SETX: variants seen among roughly 807,000 people sequenced by gnomAD.
SETX encodes the protein senataxin.
SETX carries 90 observed loss-of-function variants against 227.2 expected under a neutral mutation model. The observed-to-expected ratio is 0.40, with a 90% CI of 0.33 to 0.47. SETX has a LOEUF of 0.47. Among genes scored for constraint, SETX ranks in the 20% least tolerant of loss-of-function variants. SETX has a pLI of 0.91. For synonymous variants in SETX, 1,210 were observed against 1,113.2 expected (o/e 1.09, Z -1.73); for missense variants, 3,052 against 3,181.5 (o/e 0.96, Z 0.98).
chr9:132,315,000 C>A (rs1258081729), intron 10 of SETX, among the ~76,000 whole-genome samples: 1 of 149,642 alleles, frequency 6.7e-6, no homozygotes, highest in East Asian at 2.0e-4. Flanking sequence ...GCAACCGCCA[C>A]CTCCCGGGTT....
rs267607044 is a variant in SETX at position 132,327,718 on chromosome 9, G to A, written c.3880C>T (p.Arg1294Cys). 39 of 1,614,026 alleles carry A rather than the reference G, an allele frequency of 2.4e-5. No individual in the cohort carries two copies. Among genetic ancestry groups the A allele is most frequent in the Non-Finnish European group, 2.9e-5 (34 of 1,180,026 alleles). Residue 1294 changes from arginine to cysteine, a missense_variant, in exon 10 of 26, where the codon CGT (arginine) becomes TGT (cysteine). Physicochemically the swap from Arg to Cys is radical, Grantham distance 180. Coordinates refer to ENST00000224140, the MANE Select transcript of SETX (RefSeq NM_015046.7). ...AEKLGLKKGPRKAYELSQRSL... is the reference protein window; with the variant it reads ...AEKLGLKKGPCKAYELSQRSL... ...CGCTGGGACAACTCATATGCCTTACGAGGACCCTTTTTCAGGCCAAGTTTC... is the reference window on the plus strand; with the variant it reads ...CGCTGGGACAACTCATATGCCTTACAAGGACCCTTTTTCAGGCCAAGTTTC...
chr9:132,326,716 A>T lies in SETX; in HGVS notation c.4882T>A (p.Ser1628Thr). Residue 1628 changes from serine (S) to threonine (T), a missense_variant, in exon 10 of 26, where the codon TCA becomes ACA. This residue lies in a region of SETX where 1,483 missense variants were observed against 1,312.0 expected (regional missense o/e 1.13). Transcript: ENST00000224140. ...SALSPSLKNK[S>T]KGIQSILKVP... ...TTCAAAATCGACTGTATCCCCTTTG[A>T]CTTATTTTTTAGAGACGGTGAAAGT... 6.2e-7 allele frequency: 1 copy of T among 1,614,174 alleles called. No homozygotes were observed. The highest frequency in any genetic ancestry group is 8.5e-7 in the Non-Finnish European group (1 of 1,180,010).
rs775255889 is a variant in SETX, at chr9:132,327,015, G to C, written c.4583C>G (p.Thr1528Arg). 2.2e-5 allele frequency: 35 copies of C among 1,613,994 alleles called. No individual in the cohort carries two copies. The South Asian group carries it at 2.6e-4, about 12-fold the overall frequency. ...TACAGAATCTTCTTCAACCTCAACT[G>C]TATCTTTTCCATGAATTAGTTCAAT... ...KLIELIHGKD[T>R]VEVEEDSVSR... The change falls in exon 10 of 26, where the codon ACA becomes AGA. Residue 1528 changes from threonine to arginine, a missense_variant. Around this residue, in one of 10 missense-constraint regions of SETX, gnomAD observed 1,483 missense variants for 1,312.0 expected, o/e 1.13. Transcript: ENST00000224140.
In SETX at chr9:132,340,499, C is replaced by T. The variant is rs367901250; in HGVS notation, c.498+2191G>A. On this transcript the variant is annotated intron_variant, in intron 5 of 25. Coordinates refer to ENST00000224140, the MANE Select transcript of SETX (RefSeq NM_015046.7). ...GCCAGACTCCAGACTGGCTTATGCCCAATCAATTCAGGGCTGAGTGATGGA... is the reference window on the plus strand; with the variant it reads ...GCCAGACTCCAGACTGGCTTATGCCTAATCAATTCAGGGCTGAGTGATGGA... 2.6e-5 allele frequency among the ~76,000 whole-genome samples: 4 copies of T among 152,154 alleles called. No individual in the cohort carries two copies. The East Asian group carries it at 7.7e-4, about 29-fold the overall frequency.
At chr9:132,337,524 T>C (rs771765743) in intron 5 of SETX, among the ~76,000 whole-genome samples, 10 of 151,738 alleles carry the variant, frequency 6.6e-5, no homozygotes, top group Non-Finnish European at 1.2e-4. Flanking sequence ...TATAGGCATA[T>C]GCATACACAA....
At chr9:132,287,493 AAAAC>A (rs1843978991) in intron 17 of SETX, among the ~76,000 whole-genome samples, 1 of 152,124 alleles carries the variant, frequency 6.6e-6, no homozygotes, top group African/African-American at 2.4e-5. Context: ...CCCTATCTCA[AAAAC>A]AAACAAAAAC....
intron 15 of SETX, among the ~76,000 whole-genome samples, 166 bp from the exon 16 acceptor site, chr9:132,288,817 T>C (rs1468182390): frequency 6.6e-6 from 1 of 152,214 alleles, no homozygotes; most frequent in Non-Finnish European, 1.5e-5. Flanking sequence ...AAACTTCTTA[T>C]ACATTATTTC....
chr9:132,283,521 CAG>C, intron 18 of SETX, 108 bp from the exon 19 acceptor site: 2 of 1,370,598 alleles, frequency 1.5e-6, no homozygotes, highest in Non-Finnish European at 1.0e-6. Context: ...AGATTTATGA[CAG>C]AAAAATATTT....
In SETX at chr9:132,349,381, G is replaced by T. The variant is rs1354676019; in HGVS notation, c.48C>A (p.Asp16Glu). ...TGTTGGAAGCATAGCGCTTTAGGAA[G>T]TCAATGGTGGAAGCACCACCTGGCG... ...WCTPGGASTI[D>E]FLKRYASNTP... Residue 16 changes from aspartate to glutamate, a missense_variant, in exon 3 of 26, where the codon GAC (aspartate) becomes GAA (glutamate). By Grantham distance (45) the Asp-to-Glu change is conservative (BLOSUM62 2). Coordinates refer to ENST00000224140, the MANE Select transcript of SETX (RefSeq NM_015046.7). 6.2e-7 allele frequency: 1 copy of T among 1,614,166 alleles called. No individual in the cohort carries two copies. The highest frequency in any genetic ancestry group is 8.5e-7 in the Non-Finnish European group (1 of 1,180,036).
At chr9:132,291,499 G>C (rs540003638) in intron 15 of SETX, among the ~76,000 whole-genome samples, 44 of 152,210 alleles carry the variant, frequency 2.9e-4, no homozygotes, top group African/African-American at 1.1e-3. Flanking sequence ...GTTTCCACTA[G>C]AAAGGTAGAT....
rs764737973 is a variant in SETX, at chr9:132,281,521, A to T, written c.6600T>A (p.Asn2200Lys). Reference sequence around the variant, plus strand: ...TAGGATCTCCTACTAGGATGAGCTTATTGCAGCGATGGATGAGTGGAGTAA... The same window carrying T: ...TAGGATCTCCTACTAGGATGAGCTTTTTGCAGCGATGGATGAGTGGAGTAA... ...ETLTPLIHRC[N>K]KLILVGDPKQ... Residue 2200 changes from asparagine (N) to lysine (K), a missense_variant, in exon 20 of 26, where the codon AAT becomes AAA. Around this residue, in one of 10 missense-constraint regions of SETX, gnomAD observed 412 missense variants for 589.0 expected, o/e 0.70. Transcript: ENST00000224140. The T allele has an allele frequency of 3.7e-6, 6 of 1,613,992 alleles. No homozygotes were observed. Among genetic ancestry groups the T allele is most frequent in the Non-Finnish European group, 5.1e-6 (6 of 1,179,986 alleles).
Position 132,277,737 on chromosome 9 carries a change from C to A in SETX, c.6842+333G>T, listed in dbSNP as rs184723275. Among the ~76,000 whole-genome samples the A allele has an allele frequency of 2.2e-5, 3 of 136,862 alleles. No homozygotes were observed. The East Asian group carries it at 7.2e-4, about 33-fold the overall frequency. 89.8% of individuals were successfully genotyped at this position (136,862 alleles called of 152,430 possible). A position where few individuals can be genotyped will look rare whatever the true frequency, so the allele number is the denominator to read the frequency against. On this transcript the variant is annotated intron_variant, in intron 21 of 25. Coordinates refer to ENST00000224140, the MANE Select transcript of SETX (RefSeq NM_015046.7). ...AGGTCGAAGCTGCAGTGAGCCAGGA[C>A]TGTGTGCCACTGCACTCATCCTGTG... is the stretch of plus-strand genomic sequence containing the variant.
At position 132,304,911 on chromosome 9, in the gene SETX, C is replaced by T. The variant is rs191765552; in HGVS notation, c.5375-4108G>A. Reference sequence around the variant, plus strand: ...GCTTGGGAGGCTGAGGCAGGAGAATCGCTTGAAGCCAGGAGGCGGGATGCA... The same window carrying T: ...GCTTGGGAGGCTGAGGCAGGAGAATTGCTTGAAGCCAGGAGGCGGGATGCA... On this transcript the variant is annotated intron_variant, in intron 11 of 25. Coordinates refer to ENST00000224140, the MANE Select transcript of SETX (RefSeq NM_015046.7). Among the ~76,000 whole-genome samples, 124 of 150,540 alleles carry T rather than the reference C, an allele frequency of 8.2e-4. 1 individual carries two copies. Among genetic ancestry groups the T allele is most frequent in the African/African-American group, 3.0e-3 (123 of 41,040 alleles).
chr9:132,336,392 G>A lies in SETX; in HGVS notation c.622C>T (p.Pro208Ser), dbSNP rs754196568. ...KVIELGLLES[P>S]DIYTSSVLEK... Reference sequence around the variant, plus strand: ...AGGACAGAAGAAGTATAAATGTCTGGACTCTCTAAAAGCCCCAACTCAATG... The same window carrying A: ...AGGACAGAAGAAGTATAAATGTCTGAACTCTCTAAAAGCCCCAACTCAATG... The change falls in exon 6 of 26, where the codon CCA becomes TCA. Residue 208 changes from proline to serine, a missense_variant. Physicochemically the swap from Pro to Ser is moderately conservative, Grantham distance 74. Coordinates refer to ENST00000224140, the MANE Select transcript of SETX (RefSeq NM_015046.7). 2 of 1,614,008 alleles carry A rather than the reference G, an allele frequency of 1.2e-6. No homozygotes were observed. The highest frequency in any genetic ancestry group is 1.7e-5 in the Admixed American group (1 of 60,016).
chr9:132,331,243 A>C (rs1268609197), intron 8 of SETX, 34 bp downstream of exon 8: 13 of 1,613,098 alleles, frequency 8.1e-6, no homozygotes, highest in Non-Finnish European at 1.0e-5. Context: ...TCTTATAGAG[A>C]TGATGTTTAA....
chr9:132,323,417 GA>G (rs1846495243), intron 10 of SETX, among the ~76,000 whole-genome samples: 1 of 152,186 alleles, frequency 6.6e-6, no homozygotes, highest in Non-Finnish European at 1.5e-5. Context: ...CTTAGCTGAA[GA>G]TATCTTTCAC....
At chr9:132,308,679 A>G (rs956739269) in intron 11 of SETX, among the ~76,000 whole-genome samples, 1 of 152,344 alleles carries the variant, frequency 6.6e-6, no homozygotes, top group South Asian at 2.1e-4. Flanking sequence ...CTCTCCACAG[A>G]AAACTATAAA....
rs377621636 is a variant in SETX at position 132,334,753 on chromosome 9, G to C, written c.719-26C>G. The C allele has an allele frequency of 4.3e-6, 7 of 1,612,176 alleles. No homozygotes were observed. In the African/African-American group the frequency reaches 8.0e-5, roughly 18 times the overall value. On this transcript the variant is annotated intron_variant, in intron 6 of 25. Coordinates refer to ENST00000224140, the MANE Select transcript of SETX (RefSeq NM_015046.7). ...CTGTAAGATCATTTAGAGTTATCTT[G>C]AATTGATGAAATAATACTATACTAA...
intron 11 of SETX, among the ~76,000 whole-genome samples, chr9:132,309,372 C>T (rs1845515097): frequency 6.6e-6 from 1 of 151,548 alleles, no homozygotes; most frequent in Admixed American, 6.6e-5. Flanking sequence ...GATAATCAGA[C>T]CTCTACTTGG....
Sources: gnomAD v4.1 joint callset for allele counts (sites outside exome capture counted in the v4.1 genomes callset) on GRCh38, gnomAD v4.1.1 for gene constraint, gnomAD v4.1.1 regional missense constraint, MANE v1.5 for transcripts, NCBI Gene and HGNC (gene_info 2026-07-23, HGNC 2026-07-21) for gene names.